Variants in STIM1 observed in about 807,000 individuals in gnomAD.
The protein encoded by STIM1 is stromal interaction molecule 1.
A neutral mutation model predicts 74.7 loss-of-function variants in STIM1; 25 were observed. The observed-to-expected ratio is 0.33, with a 90% CI of 0.24 to 0.47. The LOEUF is 0.47. Ranked by LOEUF, STIM1 falls within the 20% of genes least tolerant of loss-of-function variation. The pLI is 1.00. For missense variants in STIM1, 728 were observed against 920.8 expected, an observed-to-expected ratio of 0.79 and a Z score of 2.71; for synonymous variants, 328 against 348.8, an observed-to-expected ratio of 0.94 and a Z score of 0.66.
At chr11:4,002,860 AAGAG>A (rs1260773825) in intron 2 of STIM1, among the ~76,000 whole-genome samples, 1 of 142,944 alleles carries the variant, frequency 7.0e-6, no homozygotes, top group Admixed American at 7.2e-5. Flanking sequence ...TAAAGAAAAA[AAGAG>A]AGAAGAATCA....
intron 2 of STIM1, among the ~76,000 whole-genome samples, chr11:4,020,871 G>T (rs566753297): frequency 9.2e-5 from 14 of 152,084 alleles, no homozygotes; most frequent in African/African-American, 3.4e-4. Context: ...CCAAAGTGCC[G>T]TGATTACAGG....
Position 4,083,363 on chromosome 11 carries a change from A to G in STIM1, c.1339A>G (p.Ile447Val). The stretch of plus-strand genomic sequence containing the variant: ...CTTCCAGATTGTCAACAACCCTGGC[A>G]TCCACTCACTGGTGGCTGCCCTCAA... ...CGFQIVNNPG[I>V]HSLVAALNID... is the part of the protein sequence containing the mutation. Residue 447 changes from isoleucine (I) to valine (V), a missense_variant, in exon 10 of 13, where the codon ATC becomes GTC. This residue lies in a region of STIM1 where 352 missense variants were observed against 370.1 expected (regional missense o/e 0.95). Transcript: ENST00000526596. 1 of 1,614,256 alleles carries G rather than the reference A, an allele frequency of 6.2e-7. No homozygotes were observed. Among genetic ancestry groups the G allele is most frequent in the Non-Finnish European group, 8.5e-7 (1 of 1,180,052 alleles).
chr11:4,065,222 G>A (rs1189294824), intron 5 of STIM1, among the ~76,000 whole-genome samples: 1 of 152,190 alleles, frequency 6.6e-6, no homozygotes, highest in Non-Finnish European at 1.5e-5. Flanking sequence ...GATAGGAAAA[G>A]AAAAGACTAT....
At chr11:3,868,341 A>T (rs2090948291) in intron 1 of STIM1, 1 of 152,174 alleles carries the variant, frequency 6.6e-6, no homozygotes, top group Non-Finnish European at 1.5e-5. Context: ...CTGCAAAACA[A>T]CTCTTAAGGG....
upstream of STIM1, chr11:3,855,441 G>C (rs1331133983): frequency 6.6e-6 from 1 of 152,122 alleles, no homozygotes; most frequent in Admixed American, 6.5e-5. Flanking sequence ...GCTGGGACTT[G>C]ATCCTTTGCG....
chr11:3,905,321 G>A (rs2092447197), intron 1 of STIM1, among the ~76,000 whole-genome samples: 1 of 151,876 alleles, frequency 6.6e-6, no homozygotes, highest in Admixed American at 6.6e-5. Flanking sequence ...GGGAAGGAAG[G>A]AAAGAGGGTG....
At chr11:4,071,738 A>G (rs1329484339) in intron 6 of STIM1, among the ~76,000 whole-genome samples, 1 of 152,180 alleles carries the variant, frequency 6.6e-6, no homozygotes, top group Admixed American at 6.5e-5. Flanking sequence ...ATGCATTATT[A>G]CTTTTAATCA....
chr11:4,013,387 G>A (rs1293026040), intron 2 of STIM1, among the ~76,000 whole-genome samples: 1 of 152,116 alleles, frequency 6.6e-6, no homozygotes, highest in Non-Finnish European at 1.5e-5. Flanking sequence ...ATTAATTATT[G>A]CCTCAATTTC....
intron 3 of STIM1, among the ~76,000 whole-genome samples, chr11:4,024,470 T>C (rs961429153): frequency 6.6e-6 from 1 of 152,222 alleles, no homozygotes; most frequent in Non-Finnish European, 1.5e-5. Context: ...TGAAAGCTCC[T>C]GAGTCTTCTT....
chr11:3,973,104 CT>C, intron 2 of STIM1: 1 of 425,000 alleles, frequency 2.4e-6, no homozygotes, highest in Admixed American at 2.8e-5. Flanking sequence ...TCCATAGCCT[CT>C]GCTTCCTTCA....
intron 1 of STIM1, among the ~76,000 whole-genome samples, chr11:3,937,084 A>C (rs1406420775): frequency 1.3e-5 from 2 of 152,128 alleles, no homozygotes; most frequent in Non-Finnish European, 2.9e-5. Flanking sequence ...GGAGTCCAGG[A>C]GTTGAAGACC....
intron 1 of STIM1, among the ~76,000 whole-genome samples, chr11:3,881,527 C>T (rs1450815724): frequency 1.3e-5 from 2 of 151,902 alleles, no homozygotes; most frequent in African/African-American, 4.8e-5. Flanking sequence ...CCCGCCACAG[C>T]ACCCGGCTAA....
chr11:4,019,723 A>G, intron 2 of STIM1, among the ~76,000 whole-genome samples: 1 of 152,240 alleles, frequency 6.6e-6, no homozygotes, highest in African/African-American at 2.4e-5. Flanking sequence ...CATGTATACA[A>G]TGTATAATGA....
At position 3,861,334 on chromosome 11, in the gene STIM1, T is replaced by C. The variant is rs542562532; in HGVS notation, c.139+4925T>C. 3.0e-4 allele frequency among the ~76,000 whole-genome samples: 45 copies of C among 151,756 alleles called. No homozygotes were observed. The South Asian group carries it at 8.6e-3, about 29-fold the overall frequency. The stretch of plus-strand genomic sequence containing the variant: ...CTGCAAGCTCCACCTCCCAGGTTCA[T>C]GCCATTCTCCTGCCTCAGCCTCCCA... On this transcript the variant is annotated intron_variant, in intron 1 of 12. Coordinates refer to ENST00000526596, the MANE Select transcript of STIM1 (RefSeq NM_001382567.1).
chr11:3,862,693 G>T (rs555193679), intron 1 of STIM1, among the ~76,000 whole-genome samples: 2 of 151,890 alleles, frequency 1.3e-5, no homozygotes, highest in Non-Finnish European at 2.9e-5. Context: ...TGATCTGTCC[G>T]CCTTGGCCTC....
At chr11:4,015,812 CT>C (rs986840733) in intron 2 of STIM1, among the ~76,000 whole-genome samples, 9 of 152,114 alleles carry the variant, frequency 5.9e-5, no homozygotes, top group Non-Finnish European at 1.3e-4. Flanking sequence ...TCACTGATAT[CT>C]TTTTTTCCGC....
intron 2 of STIM1, among the ~76,000 whole-genome samples, chr11:3,997,647 A>G (rs184853858): frequency 1.4e-4 from 22 of 152,316 alleles, no homozygotes; most frequent in Non-Finnish European, 2.2e-4. Context: ...AGGGAATAGC[A>G]TGTACAAAGA....
At chr11:4,089,899 C>G (rs1282911892) in intron 12 of STIM1, among the ~76,000 whole-genome samples, 2 of 152,170 alleles carry the variant, frequency 1.3e-5, no homozygotes, top group East Asian at 3.9e-4. Flanking sequence ...TCTCAGGCCT[C>G]TAGGAAGGCA....
At chr11:3,857,803 T>C (rs538049531) in intron 1 of STIM1, among the ~76,000 whole-genome samples, 149 of 152,322 alleles carry the variant, frequency 9.8e-4, no homozygotes, top group African/African-American at 3.4e-3. Context: ...GTAGACCCTT[T>C]ATTGGGCAAT....
Sources: gnomAD v4.1 joint callset for allele counts (sites outside exome capture counted in the v4.1 genomes callset) on GRCh38, gnomAD v4.1.1 for gene constraint, gnomAD v4.1.1 regional missense constraint, MANE v1.5 for transcripts, NCBI Gene and HGNC (gene_info 2026-07-23, HGNC 2026-07-21) for gene names.